Variants in BMERB1 observed in about 807,000 individuals in gnomAD.
BMERB1 encodes the protein bMERB domain containing 1.
BMERB1 carries 12 observed loss-of-function variants against 23.6 expected under a neutral mutation model. The ratio of observed to expected loss-of-function variants is 0.51; its 90% CI spans 0.33 to 0.82. The LOEUF is 0.82. Ranked by LOEUF, BMERB1 falls within the 40% of genes least tolerant of loss-of-function variation. The pLI, the probability that BMERB1 is intolerant of heterozygous loss-of-function variation, is 0.03. For missense variants in BMERB1, 247 were observed against 255.4 expected (o/e 0.97, Z 0.22); for synonymous variants, 122 against 96.6 (o/e 1.26, Z -1.54).
chr16:15,549,182 T>C (rs2030008431), intron 2 of BMERB1, among the ~76,000 whole-genome samples: 1 of 151,054 alleles, frequency 6.6e-6, no homozygotes, highest in African/African-American at 2.4e-5. Flanking sequence ...CTACTAAAAA[T>C]ACAAAAATTA....
At chr16:15,516,147 G>A (rs2051749740) in intron 2 of BMERB1, among the ~76,000 whole-genome samples, 1 of 152,110 alleles carries the variant, frequency 6.6e-6, no homozygotes, top group Admixed American at 6.6e-5. Context: ...ATTAAGGCCA[G>A]GTGCAGTGGC....
intron 2 of BMERB1, among the ~76,000 whole-genome samples, chr16:15,541,172 G>C (rs1039662863): frequency 4.7e-4 from 72 of 152,014 alleles, no homozygotes; most frequent in African/African-American, 1.6e-3. Flanking sequence ...ATGTTTACTG[G>C]TTTATTACAA....
At chr16:15,446,832 A>G (rs746784877) in intron 1 of BMERB1, among the ~76,000 whole-genome samples, 1 of 152,162 alleles carries the variant, frequency 6.6e-6, no homozygotes, top group Admixed American at 6.6e-5. Flanking sequence ...CACCACTTCA[A>G]AGTGCCTTCA....
chr16:15,550,018 C>A (rs943872542), intron 2 of BMERB1, among the ~76,000 whole-genome samples: 2 of 151,738 alleles, frequency 1.3e-5, no homozygotes, highest in Non-Finnish European at 2.9e-5. Context: ...GGTGCCATCT[C>A]GGCTCACTGC....
At chr16:15,573,732 A>G (rs145218194) in intron 3 of BMERB1, among the ~76,000 whole-genome samples, 117 of 152,286 alleles carry the variant, frequency 7.7e-4, no homozygotes, top group Non-Finnish European at 1.6e-3. Context: ...CTTGTGCTTA[A>G]TTTGTTAAGT....
At chr16:15,521,211 A>G (rs1271333992) in intron 2 of BMERB1, among the ~76,000 whole-genome samples, 1 of 152,250 alleles carries the variant, frequency 6.6e-6, no homozygotes, top group East Asian at 1.9e-4. Context: ...TGCGGCGAGC[A>G]GCAGGACCTA....
chr16:15,497,287 T>G (rs1426181454), intron 1 of BMERB1, among the ~76,000 whole-genome samples: 1 of 152,180 alleles, frequency 6.6e-6, no homozygotes. Flanking sequence ...TGTAACAATG[T>G]GTAACAAAAC....
intron 2 of BMERB1, among the ~76,000 whole-genome samples, chr16:15,531,227 A>G (rs1395792133): frequency 1.3e-5 from 2 of 151,994 alleles, no homozygotes; most frequent in Non-Finnish European, 2.9e-5. Context: ...TTTCTTTACA[A>G]GTTACTCCTT....
At chr16:15,437,834 T>A (rs1396876978) in intron 1 of BMERB1, among the ~76,000 whole-genome samples, 1 of 151,874 alleles carries the variant, frequency 6.6e-6, no homozygotes, top group Non-Finnish European at 1.5e-5. Context: ...AGTGGGCGCC[T>A]ATTGTCCCAG....
At chr16:15,512,376 C>T (rs563220892) in intron 1 of BMERB1, among the ~76,000 whole-genome samples, 2 of 152,266 alleles carry the variant, frequency 1.3e-5, no homozygotes, top group South Asian at 2.1e-4. Flanking sequence ...CAAATCACAG[C>T]GCCCTAAACC....
At chr16:15,445,358 T>C (rs1038327048) in intron 1 of BMERB1, among the ~76,000 whole-genome samples, 1 of 152,158 alleles carries the variant, frequency 6.6e-6, no homozygotes, top group African/African-American at 2.4e-5. Flanking sequence ...TTATTGGCTT[T>C]ACAGCTATGG....
intron 1 of BMERB1, among the ~76,000 whole-genome samples, chr16:15,506,747 G>A (rs749204578): frequency 2.6e-5 from 4 of 151,766 alleles, no homozygotes; most frequent in African/African-American, 7.3e-5. Context: ...ACATGGTTGC[G>A]TTTCTTCCTT....
At chr16:15,471,752 A>G (rs1476302552) in intron 1 of BMERB1, among the ~76,000 whole-genome samples, 1 of 151,934 alleles carries the variant, frequency 6.6e-6, no homozygotes. Context: ...CGCCTGGCTA[A>G]TTTTTTGTAG....
chr16:15,507,783 A>G (rs2051610505), intron 1 of BMERB1, among the ~76,000 whole-genome samples: 1 of 152,190 alleles, frequency 6.6e-6, no homozygotes, highest in Admixed American at 6.5e-5. Context: ...CAGGTCCTGT[A>G]TCAGCATTTT....
chr16:15,503,498 C>A (rs2150944237), intron 1 of BMERB1, among the ~76,000 whole-genome samples: 1 of 150,232 alleles, frequency 6.7e-6, no homozygotes, highest in Non-Finnish European at 1.5e-5. Context: ...CGGCGTTTCA[C>A]CGTGTTATCC....
chr16:15,452,017 A>G (rs985996116), intron 1 of BMERB1, among the ~76,000 whole-genome samples: 2 of 151,992 alleles, frequency 1.3e-5, no homozygotes, highest in Admixed American at 6.6e-5. Flanking sequence ...ACAGTGGCTT[A>G]CGCCTGAAAT....
intron 1 of BMERB1, among the ~76,000 whole-genome samples, chr16:15,448,545 G>A (rs2051011159): frequency 6.6e-6 from 1 of 152,222 alleles, no homozygotes; most frequent in South Asian, 2.1e-4. Flanking sequence ...TGTATTTGCA[G>A]CACTTTGGGA....
Position 15,464,278 on chromosome 16 carries a change from A to C in BMERB1, c.106+29519A>C, listed in dbSNP as rs187242656. 2.5e-3 allele frequency among the ~76,000 whole-genome samples: 380 copies of C among 150,162 alleles called. 5 individuals carry two copies. The highest frequency in any genetic ancestry group is 9.1e-3 in the African/African-American group (367 of 40,432). On this transcript the variant is annotated intron_variant, in intron 1 of 5. Coordinates refer to ENST00000300006, the MANE Select transcript of BMERB1 (RefSeq NM_033201.3). ...CAGTGAGCTGAGATTGGTCCACTGC[A>C]CTTCAGTCTGGGCGACAGAGTGAGA...
chr16:15,477,523 C>T (rs1330281304), intron 1 of BMERB1, among the ~76,000 whole-genome samples: 1 of 152,044 alleles, frequency 6.6e-6, no homozygotes, highest in African/African-American at 2.4e-5. Context: ...CCCAGCTGCT[C>T]AGGAGGTTGA....
Sources: allele counts gnomAD v4.1 joint callset (sites outside exome capture counted in the v4.1 genomes callset), GRCh38; gene constraint gnomAD v4.1.1; transcripts MANE v1.5; gene names NCBI Gene and HGNC (gene_info 2026-07-23, HGNC 2026-07-21).